The following ADCY2 variants were observed in gnomAD, a reference collection of about 807,000 sequenced individuals.
ADCY2 encodes the protein adenylate cyclase 2, also known as adenylate cyclase type 2.
A neutral mutation model predicts 125.2 loss-of-function variants in ADCY2; 31 were observed. The observed-to-expected ratio is 0.25, with a 90% CI of 0.19 to 0.33. The LOEUF is 0.33. Ranked by LOEUF, ADCY2 falls within the 10% of genes least tolerant of loss-of-function variation. The probability of loss-of-function intolerance (pLI) is 1.00; values close to 1 mark genes in which losing one functional copy is unlikely to be tolerated. For missense variants in ADCY2, 904 were observed against 1,418.2 expected (o/e 0.64, Z 5.82); for synonymous variants, 512 against 548.4 (o/e 0.93, Z 0.93).
chr5:7,637,397 A>G (rs1442970109), intron 4 of ADCY2, among the ~76,000 whole-genome samples: 2 of 148,466 alleles, frequency 1.3e-5, no homozygotes, highest in African/African-American at 5.0e-5. Context: ...ACAACACTGC[A>G]CTACAGCCTG....
chr5:7,637,977 A>T (rs2126670612), intron 4 of ADCY2, among the ~76,000 whole-genome samples: 1 of 152,342 alleles, frequency 6.6e-6, no homozygotes, highest in South Asian at 2.1e-4. Flanking sequence ...CAGCCAGTAG[A>T]ATTATTAGAG....
At chr5:7,435,931 C>T (rs1002902229) in intron 2 of ADCY2, among the ~76,000 whole-genome samples, 1 of 152,114 alleles carries the variant, frequency 6.6e-6, no homozygotes, top group African/African-American at 2.4e-5. Flanking sequence ...ATTTTAGAAG[C>T]CTTCAGAAAC....
intron 3 of ADCY2, among the ~76,000 whole-genome samples, chr5:7,544,151 A>G (rs1265797767): frequency 6.6e-6 from 1 of 152,092 alleles, no homozygotes; most frequent in East Asian, 1.9e-4. Context: ...CCCACCCATC[A>G]GAACATTAGC....
intron 23 of ADCY2, among the ~76,000 whole-genome samples, chr5:7,817,464 G>A (rs79528024): frequency 0.028 from 4,254 of 152,148 alleles, 163 homozygotes; most frequent in African/African-American, 0.086. Context: ...CTGAAACAGC[G>A]ACAGCTTTTC....
At chr5:7,778,673 T>C (rs1393139179) in intron 18 of ADCY2, among the ~76,000 whole-genome samples, 1 of 152,196 alleles carries the variant, frequency 6.6e-6, no homozygotes, top group Non-Finnish European at 1.5e-5. Flanking sequence ...ACCTTCCTTG[T>C]GGTATTTTTC....
chr5:7,467,629 A>T (rs1742173499), intron 2 of ADCY2, among the ~76,000 whole-genome samples: 1 of 152,174 alleles, frequency 6.6e-6, no homozygotes, highest in South Asian at 2.1e-4. Context: ...GAAATAATTT[A>T]TAGGATCTTT....
chr5:7,478,817 A>G (rs1354486594), intron 2 of ADCY2, among the ~76,000 whole-genome samples: 1 of 152,196 alleles, frequency 6.6e-6, no homozygotes, highest in Non-Finnish European at 1.5e-5. Flanking sequence ...ATAGTAAAAC[A>G]CTAATCCTTC....
intron 2 of ADCY2, among the ~76,000 whole-genome samples, chr5:7,435,560 A>G (rs1740766773): frequency 1.3e-5 from 2 of 152,232 alleles, no homozygotes; most frequent in South Asian, 4.1e-4. Flanking sequence ...TGTTAATTAC[A>G]TGAACATACT....
chr5:7,747,137 C>T lies in ADCY2; in HGVS notation c.1956+3385C>T, dbSNP rs1019851534. 2.0e-5 allele frequency among the ~76,000 whole-genome samples: 3 copies of T among 152,210 alleles called. No individual in the cohort carries two copies. In the East Asian group the frequency reaches 5.8e-4, roughly 29 times the overall value. The stretch of plus-strand genomic sequence containing the variant: ...GCCTCCATCGGCCCCTTCACTCCCA[C>T]CCGAGGCATGCCCCATGCTGGCTCC... On this transcript the variant is annotated intron_variant, in intron 15 of 24. Transcript: ENST00000338316.
intron 1 of ADCY2, among the ~76,000 whole-genome samples, chr5:7,397,459 T>G (rs796244789): frequency 0.045 from 6,471 of 143,810 alleles, 243 homozygotes; most frequent in African/African-American, 0.089. Flanking sequence ...TTTTTTTTTT[T>G]TTTTTTTTTT....
At chr5:7,778,392 C>A (rs777060291) in intron 18 of ADCY2, among the ~76,000 whole-genome samples, 1 of 152,174 alleles carries the variant, frequency 6.6e-6, no homozygotes, top group African/African-American at 2.4e-5. Flanking sequence ...AGAGCTTGAG[C>A]AGAGCAGCTA....
chr5:7,735,643 A>G (rs1447568853), intron 14 of ADCY2, among the ~76,000 whole-genome samples: 1 of 152,252 alleles, frequency 6.6e-6, no homozygotes, highest in Non-Finnish European at 1.5e-5. Flanking sequence ...ATATTCAGAT[A>G]TTAAAGCAAC....
chr5:7,744,060 C>A (rs1742524545), intron 15 of ADCY2, among the ~76,000 whole-genome samples: 1 of 152,134 alleles, frequency 6.6e-6, no homozygotes, highest in Non-Finnish European at 1.5e-5. Context: ...GTATTTATAG[C>A]AGCAAATGCA....
chr5:7,595,261 T>C (rs1736971133), intron 3 of ADCY2, among the ~76,000 whole-genome samples: 1 of 152,242 alleles, frequency 6.6e-6, no homozygotes, highest in Non-Finnish European at 1.5e-5. Context: ...TTCGCTTTTC[T>C]TAAAATTAAA....
At chr5:7,508,601 C>G (rs1435217232) in intron 2 of ADCY2, among the ~76,000 whole-genome samples, 3 of 152,206 alleles carry the variant, frequency 2.0e-5, no homozygotes, top group Non-Finnish European at 4.4e-5. Flanking sequence ...CAGTTCTGAA[C>G]TGGCAAGGTG....
chr5:7,476,006 G>A (rs117407709), intron 2 of ADCY2, among the ~76,000 whole-genome samples: 4 of 152,080 alleles, frequency 2.6e-5, no homozygotes, highest in Non-Finnish European at 5.9e-5. Context: ...TTTTCAACCC[G>A]TTGGTATTAA....
In ADCY2 at chr5:7,666,482, A is replaced by G. The variant is rs576475621; in HGVS notation, c.721-24209A>G. On this transcript the variant is annotated intron_variant, in intron 4 of 24. Coordinates refer to ENST00000338316, the MANE Select transcript of ADCY2 (RefSeq NM_020546.3). The stretch of plus-strand genomic sequence containing the variant: ...ATGGGGTTTCACCGTGTTAGTCAGG[A>G]TGGTCTCGATCTCCGGACCTCATGA... Among the ~76,000 whole-genome samples, 5 of 151,886 alleles carry G rather than the reference A, an allele frequency of 3.3e-5. No homozygotes were observed. The South Asian group carries it at 8.3e-4, about 25-fold the overall frequency.
intron 20 of ADCY2, chr5:7,801,568 T>A (rs529566378): frequency 6.6e-6 from 1 of 152,330 alleles, no homozygotes; most frequent in South Asian, 2.1e-4. Context: ...TGTCACTGTG[T>A]TGGGAAAATT....
intron 3 of ADCY2, among the ~76,000 whole-genome samples, chr5:7,555,845 C>T (rs1479414556): frequency 6.9e-6 from 1 of 144,772 alleles, no homozygotes; most frequent in African/African-American, 2.6e-5. Flanking sequence ...TTTACAGACA[C>T]ATGTGAGCGC....
Sources: allele counts gnomAD v4.1 joint callset (sites outside exome capture counted in the v4.1 genomes callset), GRCh38; gene constraint gnomAD v4.1.1; transcripts MANE v1.5; gene names NCBI Gene and HGNC (gene_info 2026-07-23, HGNC 2026-07-21).